Variants in DISP1 observed in about 807,000 individuals in gnomAD.
The protein encoded by DISP1 is protein dispatched homolog 1.
DISP1 carries 30 observed loss-of-function variants against 37.3 expected under a neutral mutation model. That is an observed-to-expected ratio of 0.80 (90% CI 0.60 to 1.09). The LOEUF (loss-of-function observed/expected upper bound fraction) is 1.09, where lower values mean the gene tolerates loss of function less well. DISP1 is among the 50% of genes least tolerant of loss of function. DISP1 has a pLI of 0.00. For synonymous variants in DISP1, 634 were observed against 690.2 expected (o/e 0.92, Z 1.28); for missense variants, 1,598 against 1,879.5 (o/e 0.85, Z 2.77).
chr1:222,992,156 A>G, intron 7 of DISP1, 46 bp downstream of exon 7: 1 of 1,437,080 alleles, frequency 7.0e-7, no homozygotes, highest in African/African-American at 1.4e-5. Flanking sequence ...GTTTGCTCGC[A>G]TTTAAAATTG....
intron 8 of DISP1, among the ~76,000 whole-genome samples, chr1:222,995,328 G>T (rs1434285765): frequency 6.6e-6 from 1 of 151,608 alleles, no homozygotes; most frequent in African/African-American, 2.4e-5. Flanking sequence ...TAGTTTCATT[G>T]TTCCCTATTT....
At chr1:222,972,053 T>G (rs2102646072) in intron 3 of DISP1, among the ~76,000 whole-genome samples, 1 of 152,224 alleles carries the variant, frequency 6.6e-6, no homozygotes, top group South Asian at 2.1e-4. Context: ...TATCACTAAC[T>G]TCACTTCAGT....
At chr1:222,985,691 T>TA (rs1364289285) in intron 4 of DISP1, among the ~76,000 whole-genome samples, 7 of 152,222 alleles carry the variant, frequency 4.6e-5, no homozygotes, top group Middle Eastern at 3.4e-3. Context: ...ACACTTTTTT[T>TA]AACCTGTCTT....
chr1:222,854,224 G>T (rs544062199), intron 1 of DISP1, among the ~76,000 whole-genome samples: 1 of 152,182 alleles, frequency 6.6e-6, no homozygotes, highest in Non-Finnish European at 1.5e-5. Context: ...GTCTTAGTCC[G>T]TTCTCATGCT....
rs374671816 is a variant in DISP1 at position 222,896,307 on chromosome 1, CAA to C, written c.-158-32115_-158-32114del. On this transcript the variant is annotated intron_variant, in intron 1 of 8. Coordinates refer to ENST00000675850, the MANE Select transcript of DISP1 (RefSeq NM_001377229.1). The stretch of plus-strand genomic sequence containing the variant: ...TGGGTGACAGAGCACAATCCTGTCT[CAA>C]AAAAAAAGAGGCTGGGCGCGGTGGC... Among the ~76,000 whole-genome samples, 382 of 140,564 alleles carry C rather than the reference CAA, an allele frequency of 2.7e-3. 5 individuals are homozygous for C. Among genetic ancestry groups the C allele is most frequent in the African/African-American group, 9.3e-3 (352 of 37,662 alleles). The allele number at this position is 140,564 out of a possible 152,430, so 92.2% of individuals were successfully genotyped here.
At chr1:222,889,327 C>A (rs1670815536) in intron 1 of DISP1, among the ~76,000 whole-genome samples, 1 of 151,870 alleles carries the variant, frequency 6.6e-6, no homozygotes, top group Non-Finnish European at 1.5e-5. Flanking sequence ...CCTTGTATAC[C>A]TTGTCTGCTG....
chr1:223,003,623 G>A lies in DISP1; in HGVS notation c.2226G>A (p.Met742Ile). Residue 742 changes from methionine (M) to isoleucine (I), a missense_variant, in exon 9 of 9, where the codon ATG (methionine) becomes ATA (isoleucine). By Grantham distance (10) the Met-to-Ile change is conservative. Coordinates refer to ENST00000675850, the MANE Select transcript of DISP1 (RefSeq NM_001377229.1). This position sits in a 1 kb window ranked among gnomAD's most constrained non-coding sequence, Gnocchi z 4.3. ...ACATTGTATGTATAAATCCAAAGATGAAACTGCCCTCACTGGAGTTATCCG... is the reference window on the plus strand; with the variant it reads ...ACATTGTATGTATAAATCCAAAGATAAAACTGCCCTCACTGGAGTTATCCG... ...GAYIVCINPK[M>I]KLPSLELSEF... 2.5e-6 allele frequency: 4 copies of A among 1,614,198 alleles called. No individual in the cohort carries two copies. The highest frequency in any genetic ancestry group is 3.4e-6 in the Non-Finnish European group (4 of 1,180,038).
intron 1 of DISP1, among the ~76,000 whole-genome samples, chr1:222,919,214 G>A (rs771139324): frequency 1.6e-4 from 24 of 152,322 alleles, no homozygotes; most frequent in Admixed American, 3.3e-4. Context: ...AGTGGGGATC[G>A]TGATCAACTT....
At chr1:222,876,393 A>C (rs1669976977) in intron 1 of DISP1, among the ~76,000 whole-genome samples, 1 of 152,214 alleles carries the variant, frequency 6.6e-6, no homozygotes, top group Non-Finnish European at 1.5e-5. Flanking sequence ...TTCTATGCAC[A>C]TATCCTTCTT....
chr1:222,954,891 G>C (rs1333297642), intron 3 of DISP1, among the ~76,000 whole-genome samples: 4 of 151,960 alleles, frequency 2.6e-5, no homozygotes, highest in East Asian at 3.9e-4. Flanking sequence ...GAGTGCAACT[G>C]CCTGAAATAT....
chr1:223,002,481 A>T lies in DISP1; in HGVS notation c.1084A>T (p.Asn362Tyr), dbSNP rs1268763720. The change falls in exon 9 of 9, where the codon AAC becomes TAC. Residue 362 changes from asparagine (N) to tyrosine (Y), a missense_variant. Coordinates refer to ENST00000675850, the MANE Select transcript of DISP1 (RefSeq NM_001377229.1). The stretch of plus-strand genomic sequence containing the variant: ...ACTGGGAAACTACATCGCCATTCTG[A>T]ACAATAGATCGTCCTGTCAGAAAAT... ...WTLGNYIAIL[N>Y]NRSSCQKIVE... 1.9e-6 allele frequency: 3 copies of T among 1,614,044 alleles called. No individual in the cohort carries two copies. The African/African-American group carries it at 4.0e-5, about 22-fold the overall frequency.
intron 1 of DISP1, among the ~76,000 whole-genome samples, chr1:222,853,462 T>C (rs1197207731): frequency 6.6e-6 from 1 of 152,188 alleles, no homozygotes; most frequent in African/African-American, 2.4e-5. Flanking sequence ...TGCAGCATTA[T>C]TCACAATAGC....
chr1:222,960,114 G>T (rs901872849), intron 3 of DISP1, among the ~76,000 whole-genome samples: 1 of 152,120 alleles, frequency 6.6e-6, no homozygotes, highest in African/African-American at 2.4e-5. Flanking sequence ...CTCAGCTCTG[G>T]ATCAAGTGGA....
chr1:222,905,421 CTAAT>C (rs66926549), intron 1 of DISP1, among the ~76,000 whole-genome samples: 17,293 of 152,048 alleles, frequency 0.11, 1,329 homozygotes, highest in Non-Finnish European at 0.16. Context: ...TTAGAAATGG[CTAAT>C]TAAAGAATAA....
At chr1:222,982,814 T>C (rs948278205) in intron 3 of DISP1, among the ~76,000 whole-genome samples, 18 of 152,154 alleles carry the variant, frequency 1.2e-4, no homozygotes, top group Admixed American at 4.6e-4. Flanking sequence ...GTGAGTATGA[T>C]TCCATCAGGA....
chr1:222,851,122 A>C (rs1189520798), intron 1 of DISP1, among the ~76,000 whole-genome samples: 1 of 146,488 alleles, frequency 6.8e-6, no homozygotes, highest in Admixed American at 7.1e-5. Flanking sequence ...GCTGAAGTGC[A>C]ATGGCACAAT....
In DISP1 at chr1:222,843,807, T is replaced by C. The variant is rs1445334418; in HGVS notation, c.-159+28729T>C. 3.3e-5 allele frequency among the ~76,000 whole-genome samples: 5 copies of C among 152,078 alleles called. No homozygotes were observed. The South Asian group carries it at 6.2e-4, about 19-fold the overall frequency. On this transcript the variant is annotated intron_variant, in intron 1 of 8. Coordinates refer to ENST00000675850, the MANE Select transcript of DISP1 (RefSeq NM_001377229.1). Reference sequence around the variant, plus strand: ...AAATTGTAGCAACCAGGATGGTTAGTTATTGGGGAGGCCCCAAACAGATAA... The same window carrying C: ...AAATTGTAGCAACCAGGATGGTTAGCTATTGGGGAGGCCCCAAACAGATAA...
intron 3 of DISP1, among the ~76,000 whole-genome samples, chr1:222,963,190 T>C (rs1676190685): frequency 1.3e-5 from 2 of 152,160 alleles, no homozygotes; most frequent in Admixed American, 1.3e-4. Flanking sequence ...CATCACTGAT[T>C]ATTAGAGAAA....
intron 3 of DISP1, among the ~76,000 whole-genome samples, chr1:222,949,288 G>A (rs1030605547): frequency 3.9e-5 from 6 of 152,002 alleles, no homozygotes; most frequent in Non-Finnish European, 7.4e-5. Flanking sequence ...CAGCTACTTG[G>A]GAGGCTGAGG....
Sources: gnomAD v4.1 joint callset for allele counts (sites outside exome capture counted in the v4.1 genomes callset) on GRCh38, gnomAD v4.1.1 for gene constraint, Gnocchi (gnomAD v3.1) non-coding constraint, MANE v1.5 for transcripts, NCBI Gene and HGNC (gene_info 2026-07-23, HGNC 2026-07-21) for gene names.